SRCAP: variants seen among roughly 807,000 people sequenced by gnomAD.
SRCAP encodes the protein chromatin remodeling protein SRCAP.
SRCAP carries 46 observed loss-of-function variants against 263.1 expected under a neutral mutation model. That is an observed-to-expected ratio of 0.17 (90% CI 0.14 to 0.22). SRCAP has a LOEUF of 0.22. Ranked by LOEUF, SRCAP falls within the 10% of genes least tolerant of loss-of-function variation. The probability of loss-of-function intolerance (pLI) is 1.00; values close to 1 mark genes in which losing one functional copy is unlikely to be tolerated. For missense variants in SRCAP, 3,695 were observed against 4,181.9 expected, an observed-to-expected ratio of 0.88 and a Z score of 3.21; for synonymous variants, 1,813 against 1,662.1, an observed-to-expected ratio of 1.09 and a Z score of -2.21.
Position 30,738,925 on chromosome 16 carries a change from C to G in SRCAP, c.8885C>G (p.Ser2962Cys). 1.2e-6 allele frequency: 2 copies of G among 1,614,140 alleles called. No individual in the cohort carries two copies. The highest frequency in any genetic ancestry group is 8.5e-7 in the Non-Finnish European group (1 of 1,180,018). Residue 2962 changes from serine to cysteine, a missense_variant, in exon 34 of 34, where the codon TCC (serine) becomes TGC (cysteine). By Grantham distance (112) the Ser-to-Cys change is moderately radical (BLOSUM62 -1). Around this residue, in one of 12 missense-constraint regions of SRCAP, gnomAD observed 1,207 missense variants for 1,142.9 expected, o/e 1.06. Transcript: ENST00000262518. ...ATTTCCTCTGCAGGGGATGGCAACT[C>G]CGAAAGTCGGACACAGCCACCCCCA... ...GTISSAGDGN[S>C]ESRTQPPPHP... is the part of the protein sequence containing the mutation.
At chr16:30,731,061 G>T (rs999578588) in intron 27 of SRCAP, among the ~76,000 whole-genome samples, 2 of 152,000 alleles carry the variant, frequency 1.3e-5, no homozygotes, top group African/African-American at 2.4e-5. Flanking sequence ...ATGATGTTAG[G>T]ATGGCTGCCA....
At chr16:30,728,913 T>C in intron 25 of SRCAP, 53 bp from the exon 26 acceptor site, 1 of 1,544,318 alleles carries the variant, frequency 6.5e-7, no homozygotes, top group South Asian at 1.2e-5. Flanking sequence ...CAGTCAGGTT[T>C]TGATGTGGAC....
rs1304124822 is a variant in SRCAP, at chr16:30,711,057, T to C, written c.1287T>C (p.His429=). 2 of 1,613,942 alleles carry C rather than the reference T, an allele frequency of 1.2e-6. No homozygotes were observed. Among genetic ancestry groups the C allele is most frequent in the African/African-American group, 2.7e-5 (2 of 74,932 alleles). ...AACAGTTGGAAGGGGAGGTGGATCA[T>C]GCCATGGAGCTGAGCGAGTTGGCTC... ...AEEQLEGEVD[H]AMELSELARE... is the part of the protein sequence containing the mutation. The change falls in exon 10 of 34, where the codon CAT becomes CAC. Residue 429 remains histidine (H), a synonymous_variant. Coordinates refer to ENST00000262518, the MANE Select transcript of SRCAP (RefSeq NM_006662.3).
At position 30,700,681 on chromosome 16, in the gene SRCAP, G is replaced by T; in HGVS notation, c.-144G>T. The T allele has an allele frequency of 1.4e-6, 1 of 705,704 alleles. No homozygotes were observed. The highest frequency in any genetic ancestry group is 2.3e-6 in the Non-Finnish European group (1 of 433,970). 43.7% of individuals were successfully genotyped at this position (705,704 alleles called of 1,614,324 possible). A position where few individuals can be genotyped will look rare whatever the true frequency, so the allele number is the denominator to read the frequency against. ...CCCTGGTGGGCCCCGGGCCCTGGAA[G>T]GCGGGTCCCGGTGGCCGGTGGCCCA... is the stretch of plus-strand genomic sequence containing the variant. On this transcript the variant is annotated 5_prime_UTR_variant, in exon 3 of 34. The change creates a new upstream start codon in the 5' untranslated region. Coordinates refer to ENST00000262518, the MANE Select transcript of SRCAP (RefSeq NM_006662.3).
intron 2 of SRCAP, among the ~76,000 whole-genome samples, chr16:30,700,342 G>C (rs1160735877): frequency 6.6e-6 from 1 of 152,166 alleles, no homozygotes; most frequent in Non-Finnish European, 1.5e-5. Flanking sequence ...TTTAGGTCGG[G>C]AATCCTTTCT....
intron 3 of SRCAP, among the ~76,000 whole-genome samples, chr16:30,701,858 C>G (rs953880880): frequency 6.6e-6 from 1 of 151,750 alleles, no homozygotes; most frequent in Non-Finnish European, 1.5e-5. Flanking sequence ...TCTTGAACTC[C>G]TGACCTCAGG....
chr16:30,716,264 C>A (rs766995619), intron 17 of SRCAP, 29 bp from the exon 18 acceptor site: 27 of 1,613,096 alleles, frequency 1.7e-5, no homozygotes, highest in African/African-American at 2.7e-5. Flanking sequence ...GCTGTTAGGA[C>A]GTCTCATTTA....
chr16:30,721,250 C>A lies in SRCAP; in HGVS notation c.3315C>A (p.Ser1105=). ...CACGGCCTCCCACGCCAACCTTGTC[C>A]CTAAAGCCAACACCACCTGCCCCAG... The part of the protein sequence containing the change: ...GTSRPPTPTL[S]LKPTPPAPVR... The change falls in exon 21 of 34, where the codon TCC becomes TCA. Residue 1105 remains serine, a synonymous_variant. Coordinates refer to ENST00000262518, the MANE Select transcript of SRCAP (RefSeq NM_006662.3). The A allele has an allele frequency of 6.2e-7, 1 of 1,614,090 alleles. No individual in the cohort carries two copies. Among genetic ancestry groups the A allele is most frequent in the Non-Finnish European group, 8.5e-7 (1 of 1,180,014 alleles).
intron 25 of SRCAP, among the ~76,000 whole-genome samples, chr16:30,727,996 T>C (rs1166492890): frequency 6.6e-6 from 1 of 152,210 alleles, no homozygotes; most frequent in Non-Finnish European, 1.5e-5. Context: ...TTTCTCTTTT[T>C]GCTACTATTG....
rs1377055797 is a variant in SRCAP, at chr16:30,720,974, C to A, written c.3249C>A (p.Pro1083=). 5 of 1,600,196 alleles carry A rather than the reference C, an allele frequency of 3.1e-6. No homozygotes were observed. The highest frequency in any genetic ancestry group is 2.2e-5 in the South Asian group (2 of 89,074). Residue 1083 remains proline, a synonymous_variant, in exon 20 of 34, where the codon CCC becomes CCA. Transcript: ENST00000262518. ...PPLQPNSGSL[P]QVLPSPLGVL... ...TGCAGCCCAACAGTGGTTCTCTCCC[C>A]CAGGGTGAGTTGAAAGGGAGCCAAG...
chr16:30,731,424 A>G (rs530991868), intron 27 of SRCAP, among the ~76,000 whole-genome samples: 1 of 152,332 alleles, frequency 6.6e-6, no homozygotes, highest in African/African-American at 2.4e-5. Context: ...ACATTTGTAT[A>G]GTAACATGTT....
At chr16:30,736,175 C>G in intron 31 of SRCAP, 25 bp from the exon 32 acceptor site, 1 of 1,612,198 alleles carries the variant, frequency 6.2e-7, no homozygotes, top group Non-Finnish European at 8.5e-7. Context: ...CTCATGTTTT[C>G]TTTTTCTTTT....
At chr16:30,720,139 CTG>C (rs764830481) in intron 18 of SRCAP, 21 bp from the exon 19 acceptor site, 10 of 1,596,162 alleles carry the variant, frequency 6.3e-6, no homozygotes, top group African/African-American at 1.3e-5. Flanking sequence ...TTCTTTATGA[CTG>C]TGCTTTCTTT....
chr16:30,723,813 G>A lies in SRCAP; in HGVS notation c.4389G>A (p.Leu1463=). 1.9e-6 allele frequency: 3 copies of A among 1,613,888 alleles called. No individual in the cohort carries two copies. The highest frequency in any genetic ancestry group is 3.3e-4 in the Middle Eastern group (2 of 6,062). The part of the protein sequence containing the change: ...APLTIPISAP[L]TVSASGPALL... ...TCACCATCCCCATCTCAGCCCCCTT[G>A]ACTGTTTCTGCTTCGGGCCCAGCTC... The change falls in exon 25 of 34, where the codon TTG becomes TTA. Residue 1463 remains leucine (L), a synonymous_variant. Coordinates refer to ENST00000262518, the MANE Select transcript of SRCAP (RefSeq NM_006662.3).
chr16:30,703,069 A>C (rs1215252881), intron 3 of SRCAP, among the ~76,000 whole-genome samples: 1 of 151,942 alleles, frequency 6.6e-6, no homozygotes, highest in African/African-American at 2.4e-5. Context: ...ACTTGTTCTG[A>C]AAATGGAGGG....
chr16:30,713,660 G>A lies in SRCAP; in HGVS notation c.2442G>A (p.Met814Ile), dbSNP rs1272695689. Residue 814 changes from methionine (M) to isoleucine (I), a missense_variant, in exon 16 of 34, where the codon ATG (methionine) becomes ATA (isoleucine). Coordinates refer to ENST00000262518, the MANE Select transcript of SRCAP (RefSeq NM_006662.3). ...KEWFSNPLTGMIEGSQEYNEG... is the reference protein window; with the variant it reads ...KEWFSNPLTGIIEGSQEYNEG... ...GGTTCTCTAATCCCCTAACTGGCAT[G>A]ATTGAGGGCAGCCAAGAGTATAATG... 1 of 1,614,164 alleles carries A rather than the reference G, an allele frequency of 6.2e-7. No individual in the cohort carries two copies. Among genetic ancestry groups the A allele is most frequent in the South Asian group, 1.1e-5 (1 of 91,088 alleles).
At chr16:30,699,641 G>T (rs988982680) in intron 1 of SRCAP, among the ~76,000 whole-genome samples, 5 of 151,868 alleles carry the variant, frequency 3.3e-5, no homozygotes, top group Non-Finnish European at 5.9e-5. Context: ...GCTTTTTTTT[G>T]CTGTATTTTT....
chr16:30,737,420 C>T lies in SRCAP; in HGVS notation c.7380C>T (p.Val2460=), dbSNP rs761461175. 4 of 1,603,976 alleles carry T rather than the reference C, an allele frequency of 2.5e-6. No individual in the cohort carries two copies. In the Admixed American group the frequency reaches 6.9e-5, roughly 28 times the overall value. ...APAAIPALVP[V]PVSAPVPISA... is the part of the protein sequence containing the mutation. ...CTGCAATTCCTGCCCTTGTTCCTGT[C>T]CCAGTTTCTGCCCCAGTACCCATTT... The change falls in exon 34 of 34, where the codon GTC becomes GTT. Residue 2460 remains valine, a synonymous_variant. Transcript: ENST00000262518.
At position 30,719,951 on chromosome 16, in the gene SRCAP, G is replaced by C. The variant is rs10153105; in HGVS notation, c.2818-211G>C. Reference sequence around the variant, plus strand: ...TCAACTGGTAGTTTTTCAGCCCCTTGCCCGCCACAGTCGTTTCTGGCGTAT... The same window carrying C: ...TCAACTGGTAGTTTTTCAGCCCCTTCCCCGCCACAGTCGTTTCTGGCGTAT... On this transcript the variant is annotated intron_variant, in intron 18 of 33. Coordinates refer to ENST00000262518, the MANE Select transcript of SRCAP (RefSeq NM_006662.3). 0.96 allele frequency among the ~76,000 whole-genome samples: 145,547 copies of C among 152,248 alleles called. 69,873 individuals carry two copies. Among genetic ancestry groups the C allele is most frequent in the Middle Eastern group, 1 (294 of 294 alleles).
Sources: allele counts gnomAD v4.1 joint callset (sites outside exome capture counted in the v4.1 genomes callset), GRCh38; gene constraint gnomAD v4.1.1; regional missense constraint gnomAD v4.1.1; transcripts MANE v1.5; gene names NCBI Gene and HGNC (gene_info 2026-07-23, HGNC 2026-07-21).